Variants in ATP10B observed in about 807,000 individuals in gnomAD.
The protein encoded by ATP10B is ATPase phospholipid transporting 10B (putative).
Under a neutral mutation model 141.2 loss-of-function variants are expected in ATP10B, and 122 were observed. That is an observed-to-expected ratio of 0.86 (90% CI 0.75 to 1.00). The LOEUF (loss-of-function observed/expected upper bound fraction) is 1.00. ATP10B is among the 50% of genes least tolerant of loss of function. ATP10B has a pLI of 0.00. For missense variants in ATP10B, 1,876 were observed against 1,825.3 expected, an observed-to-expected ratio of 1.03 and a Z score of -0.51; for synonymous variants, 685 against 692.0, an observed-to-expected ratio of 0.99 and a Z score of 0.16.
the ATP10B span, among the ~76,000 whole-genome samples, chr5:160,924,094 G>C: frequency 1.3e-5 from 2 of 152,214 alleles, no homozygotes; most frequent in African/African-American, 4.8e-5. Context: ...CCACCAGCTA[G>C]GCCAGGGCTG....
chr5:160,630,500 C>G (rs1231701239), intron 13 of ATP10B, among the ~76,000 whole-genome samples: 3 of 152,212 alleles, frequency 2.0e-5, no homozygotes, highest in Admixed American at 6.5e-5. Flanking sequence ...GAGACATACT[C>G]AGGCATGTGG....
intron 1 of ATP10B, among the ~76,000 whole-genome samples, chr5:160,828,046 T>C (rs917289858): frequency 1.3e-5 from 2 of 152,136 alleles, no homozygotes; most frequent in Non-Finnish European, 2.9e-5. Context: ...TTACACCTTA[T>C]ACAAAAATTA....
At chr5:160,734,870 A>T (rs895626297) in intron 2 of ATP10B, among the ~76,000 whole-genome samples, 2 of 152,008 alleles carry the variant, frequency 1.3e-5, no homozygotes, top group African/African-American at 4.8e-5. Flanking sequence ...AATAAGTAAG[A>T]ATATAGTAGA....
chr5:160,675,793 G>A (rs1762988878), intron 6 of ATP10B, among the ~76,000 whole-genome samples: 1 of 151,694 alleles, frequency 6.6e-6, no homozygotes, highest in South Asian at 2.1e-4. Context: ...GATCACAATG[G>A]GGTTGGGGAG....
intron 7 of ATP10B, among the ~76,000 whole-genome samples, chr5:160,652,045 C>T (rs1245938662): frequency 2.0e-5 from 3 of 152,082 alleles, no homozygotes; most frequent in African/African-American, 7.2e-5. Context: ...GGAGTCCCTG[C>T]TGCCTGTTTA....
At chr5:160,753,081 T>C (rs1370604759) in intron 2 of ATP10B, among the ~76,000 whole-genome samples, 1 of 152,126 alleles carries the variant, frequency 6.6e-6, no homozygotes. Context: ...CTGAACCCAT[T>C]AGATTTAGGA....
At chr5:160,914,314 A>C in the ATP10B span, among the ~76,000 whole-genome samples, 21 of 152,174 alleles carry the variant, frequency 1.4e-4, no homozygotes, top group Non-Finnish European at 8.8e-5. Flanking sequence ...TTGAGGAGTT[A>C]TGTACTTATA....
upstream of ATP10B, among the ~76,000 whole-genome samples, chr5:160,852,435 G>A (rs1330227260): frequency 8.5e-5 from 13 of 152,118 alleles, no homozygotes; most frequent in South Asian, 2.3e-3. Context: ...ATGTAATTAA[G>A]TGTGAGACAA....
At chr5:160,603,550 G>A (rs1290973356) in intron 20 of ATP10B, 1 of 193,754 alleles carries the variant, frequency 5.2e-6, no homozygotes, top group East Asian at 1.1e-4. Flanking sequence ...GGATACCCCT[G>A]GTCTAACAGA....
At chr5:160,911,024 C>G in the ATP10B span, among the ~76,000 whole-genome samples, 2 of 152,238 alleles carry the variant, frequency 1.3e-5, no homozygotes, top group Admixed American at 1.3e-4. Flanking sequence ...AAATGACCCA[C>G]CCTCAGGTAT....
chr5:160,759,729 C>T (rs189160587), intron 2 of ATP10B, among the ~76,000 whole-genome samples: 6 of 152,312 alleles, frequency 3.9e-5, no homozygotes, highest in African/African-American at 1.2e-4. Context: ...TTTCACCTTC[C>T]TCATGCAAAC....
intron 2 of ATP10B, among the ~76,000 whole-genome samples, chr5:160,747,237 G>A (rs1452165072): frequency 6.6e-6 from 1 of 152,120 alleles, no homozygotes; most frequent in South Asian, 2.1e-4. Context: ...TATGTTACCT[G>A]CCTGGCCTCT....
the ATP10B span, among the ~76,000 whole-genome samples, chr5:160,876,125 A>C: frequency 1.6e-5 from 1 of 62,070 alleles, no homozygotes; most frequent in African/African-American, 3.8e-5. Context: ...AATTGACCAC[A>C]TACTTGGAAG....
intron 24 of ATP10B, among the ~76,000 whole-genome samples, chr5:160,582,435 G>T (rs769626411): frequency 3.0e-4 from 46 of 152,262 alleles, no homozygotes; most frequent in African/African-American, 1.1e-3. Flanking sequence ...GAAATTCTGG[G>T]TTGAAAATTC....
the ATP10B span, among the ~76,000 whole-genome samples, chr5:160,895,756 C>A: frequency 6.6e-6 from 1 of 152,190 alleles, no homozygotes; most frequent in Non-Finnish European, 1.5e-5. Context: ...TTCTTCTCAG[C>A]ACCACATATC....
At chr5:160,571,328 T>C (rs943863417) in intron 24 of ATP10B, among the ~76,000 whole-genome samples, 2 of 152,198 alleles carry the variant, frequency 1.3e-5, no homozygotes, top group Admixed American at 1.3e-4. Flanking sequence ...ATATCTAATT[T>C]TCTATTAAGC....
In ATP10B at chr5:160,653,439, C is replaced by T. The variant is rs189242936; in HGVS notation, c.676-4183G>A. On this transcript the variant is annotated intron_variant, in intron 7 of 25. Coordinates refer to ENST00000327245, the MANE Select transcript of ATP10B (RefSeq NM_025153.3). The stretch of plus-strand genomic sequence containing the variant: ...GGTAGTATATATACATATGTACATA[C>T]ATACATAGGTAGTATATATACATAT... 9.5e-4 allele frequency among the ~76,000 whole-genome samples: 43 copies of T among 45,086 alleles called. 11 individuals are homozygous for T. The highest frequency in any genetic ancestry group is 3.5e-3 in the African/African-American group (42 of 11,942). 29.6% of individuals were successfully genotyped at this position (45,086 alleles called of 152,430 possible).
intron 18 of ATP10B, among the ~76,000 whole-genome samples, chr5:160,607,610 C>A (rs1465958859): frequency 6.6e-6 from 1 of 152,056 alleles, no homozygotes; most frequent in South Asian, 2.1e-4. Context: ...GGCTTCCTAA[C>A]TGAAAAAAAT....
intron 6 of ATP10B, among the ~76,000 whole-genome samples, chr5:160,680,622 C>T (rs912143895): frequency 6.6e-6 from 1 of 152,184 alleles, no homozygotes; most frequent in African/African-American, 2.4e-5. Context: ...GAGGTGGCTT[C>T]TCCAACATCT....
Sources: gnomAD v4.1 joint callset for allele counts (sites outside exome capture counted in the v4.1 genomes callset) on GRCh38, gnomAD v4.1.1 for gene constraint, MANE v1.5 for transcripts, NCBI Gene and HGNC (gene_info 2026-07-23, HGNC 2026-07-21) for gene names.